Variants in STX19 observed in about 807,000 individuals in gnomAD.
STX19 encodes syntaxin 19.
In STX19, 26 loss-of-function variants were observed where a neutral mutation model predicts 24.3. The observed-to-expected ratio is 1.07, with a 90% CI of 0.78 to 1.48. The LOEUF is 1.48. Ranked by LOEUF, STX19 falls within the 40% of genes most tolerant of loss-of-function variation. The pLI, the probability that STX19 is intolerant of heterozygous loss-of-function variation, is 0.00. For missense variants in STX19, 367 were observed against 331.9 expected (o/e 1.11, Z -0.82); for synonymous variants, 116 against 106.9 (o/e 1.09, Z -0.52).
intron 1 of STX19, among the ~76,000 whole-genome samples, 180 bp from the exon 2 acceptor site, chr3:94,015,462 A>G (rs1227788600): frequency 1.3e-5 from 2 of 152,232 alleles, no homozygotes; most frequent in East Asian, 1.9e-4. Flanking sequence ...TAGGGAAAGA[A>G]ATATAAAATA....
chr3:94,018,076 A>G (rs1240266937), intron 1 of STX19, among the ~76,000 whole-genome samples: 7 of 152,176 alleles, frequency 4.6e-5, no homozygotes, highest in South Asian at 4.1e-4. Context: ...AAAAAATTTT[A>G]AACTGATACA....
chr3:94,024,747 G>C (rs2076521098), intron 1 of STX19, among the ~76,000 whole-genome samples: 1 of 151,860 alleles, frequency 6.6e-6, no homozygotes, highest in Non-Finnish European at 1.5e-5. Context: ...CACTGTGCTT[G>C]GCTGATTTTT....
chr3:94,019,041 C>T (rs1191905880), intron 1 of STX19, among the ~76,000 whole-genome samples: 2 of 152,192 alleles, frequency 1.3e-5, no homozygotes, highest in African/African-American at 2.4e-5. Flanking sequence ...GCTGGGATTA[C>T]AGCTGTGAGC....
In STX19 at chr3:94,014,580, C is replaced by G; in HGVS notation, c.690G>C (p.Arg230Ser). The part of the protein sequence containing the change: ...VNLENQIKDL[R>S]DLFIQISLLV... Reference sequence around the variant, plus strand: ...AAAGAGATATCTGAATGAAAAGATCCCTTAAATCCTTTATTTGGTTCTCCA... The same window carrying G: ...AAAGAGATATCTGAATGAAAAGATCGCTTAAATCCTTTATTTGGTTCTCCA... The change falls in exon 2 of 2, where the codon AGG becomes AGC. Residue 230 changes from arginine to serine, a missense_variant. Arg to Ser is a moderately radical substitution (Grantham distance 110, BLOSUM62 -1). Coordinates refer to ENST00000315099, the MANE Select transcript of STX19 (RefSeq NM_001001850.3). 1.2e-6 allele frequency: 2 copies of G among 1,611,684 alleles called. No homozygotes were observed. Among genetic ancestry groups the G allele is most frequent in the Non-Finnish European group, 1.7e-6 (2 of 1,179,470 alleles).
Position 94,014,418 on chromosome 3 carries a change from A to C in STX19, c.852T>G (p.Cys284Trp). Reference protein sequence around the residue: ...YKKRNPCRVLCCWCCPCCSSK With the variant: ...YKKRNPCRVLWCWCCPCCSSK ...AGCTACAGCATGGACAGCACCAACAACACAGTACTCTGCAAGGATTTCTTT... is the reference window on the plus strand; with the variant it reads ...AGCTACAGCATGGACAGCACCAACACCACAGTACTCTGCAAGGATTTCTTT... The change falls in exon 2 of 2, where the codon TGT (cysteine) becomes TGG (tryptophan). Residue 284 changes from cysteine to tryptophan, a missense_variant. Transcript: ENST00000315099. 1 of 1,574,422 alleles carries C rather than the reference A, an allele frequency of 6.4e-7. No individual in the cohort carries two copies. Among genetic ancestry groups the C allele is most frequent in the East Asian group, 2.2e-5 (1 of 44,732 alleles).
At chr3:94,025,605 A>G (rs962454982) in intron 1 of STX19, among the ~76,000 whole-genome samples, 1 of 152,160 alleles carries the variant, frequency 6.6e-6, no homozygotes, top group Admixed American at 6.6e-5. Context: ...GCCTAGCTTC[A>G]TTGGGGAGTT....
chr3:94,014,979 C>T lies in STX19; in HGVS notation c.291G>A (p.Glu97=). ...TGATGTATTCTGCCTGAATTTTTAT[C>T]TCCTTTGTAATGGTAGACTCTCTCT... The part of the protein sequence containing the change: ...LLKRESTITK[E]IKIQAEYINR... The change falls in exon 2 of 2, where the codon GAG becomes GAA. Residue 97 remains glutamate (E), a synonymous_variant. Coordinates refer to ENST00000315099, the MANE Select transcript of STX19 (RefSeq NM_001001850.3). The T allele has an allele frequency of 1.2e-6, 2 of 1,613,996 alleles. No homozygotes were observed. The highest frequency in any genetic ancestry group is 1.7e-6 in the Non-Finnish European group (2 of 1,179,940).
At chr3:94,023,606 G>C (rs6777479) in intron 1 of STX19, among the ~76,000 whole-genome samples, 57,184 of 151,752 alleles carry the variant, frequency 0.38, 11,738 homozygotes, top group East Asian at 0.55. Context: ...GAAAAGCAAC[G>C]TCCAAATAAG....
Position 94,014,431 on chromosome 3 carries a change from C to T in STX19, c.839G>A (p.Cys280Tyr), listed in dbSNP as rs2076284040. The T allele has an allele frequency of 1.3e-6, 2 of 1,588,142 alleles. No homozygotes were observed. The highest frequency in any genetic ancestry group is 4.5e-5 in the East Asian group (2 of 44,786). The change falls in exon 2 of 2, where the codon TGC (cysteine) becomes TAC (tyrosine). Residue 280 changes from cysteine to tyrosine, a missense_variant. Physicochemically the swap from Cys to Tyr is radical, Grantham distance 194 (BLOSUM62 -2). Coordinates refer to ENST00000315099, the MANE Select transcript of STX19 (RefSeq NM_001001850.3). ...ACAGCACCAACAACACAGTACTCTGCAAGGATTTCTTTTTTTGTATTTTAC... is the reference window on the plus strand; with the variant it reads ...ACAGCACCAACAACACAGTACTCTGTAAGGATTTCTTTTTTTGTATTTTAC... Reference protein sequence around the residue: ...LAVKYKKRNPCRVLCCWCCPC... With the variant: ...LAVKYKKRNPYRVLCCWCCPC...
Position 94,014,421 on chromosome 3 carries a change from C to G in STX19, c.849G>C (p.Leu283=). The change falls in exon 2 of 2, where the codon CTG becomes CTC. Residue 283 remains leucine (L), a synonymous_variant. Transcript: ENST00000315099. The part of the protein sequence containing the change: ...KYKKRNPCRV[L]CCWCCPCCSS... Reference sequence around the variant, plus strand: ...TACAGCATGGACAGCACCAACAACACAGTACTCTGCAAGGATTTCTTTTTT... The same window carrying G: ...TACAGCATGGACAGCACCAACAACAGAGTACTCTGCAAGGATTTCTTTTTT... 1 of 1,575,370 alleles carries G rather than the reference C, an allele frequency of 6.3e-7. No homozygotes were observed.
chr3:94,021,421 C>G (rs1186523964), intron 1 of STX19, among the ~76,000 whole-genome samples: 1 of 152,030 alleles, frequency 6.6e-6, no homozygotes, highest in East Asian at 1.9e-4. Flanking sequence ...TCTTGAACTC[C>G]TGACCTCAAG....
chr3:94,027,136 T>G (rs1188368384), intron 1 of STX19, among the ~76,000 whole-genome samples: 1 of 152,096 alleles, frequency 6.6e-6, no homozygotes, highest in East Asian at 1.9e-4. Context: ...TCAAGAAATA[T>G]GACCAGTTTT....
At chr3:94,015,421 C>A (rs1170891684) in intron 1 of STX19, 139 bp from the exon 2 acceptor site, 4 of 539,302 alleles carry the variant, frequency 7.4e-6, no homozygotes, top group South Asian at 4.6e-5. Flanking sequence ...TTAGAAAAAA[C>A]CAATGAGTTT....
intron 1 of STX19, among the ~76,000 whole-genome samples, chr3:94,020,397 AT>A (rs1315125282): frequency 6.6e-6 from 1 of 152,188 alleles, no homozygotes; most frequent in African/African-American, 2.4e-5. Context: ...TAGAGTTGAG[AT>A]TCAGATTCTG....
In STX19 at chr3:94,015,073, T is replaced by C. The variant is rs1420058505; in HGVS notation, c.197A>G (p.Asp66Gly). 9.3e-6 allele frequency: 15 copies of C among 1,613,998 alleles called. No homozygotes were observed. The highest frequency in any genetic ancestry group is 1.2e-5 in the Non-Finnish European group (14 of 1,179,962). ...TTGCTGCCCAAATTTTTGAACATTA[T>C]CTGCCAAATTGTTAATACTTTCCTG... ...KLQESINNLA[D>G]NVQKFGQQQK... The change falls in exon 2 of 2, where the codon GAT (aspartate) becomes GGT (glycine). Residue 66 changes from aspartate (D) to glycine (G), a missense_variant. Physicochemically the swap from Asp to Gly is moderately conservative, Grantham distance 94. Coordinates refer to ENST00000315099, the MANE Select transcript of STX19 (RefSeq NM_001001850.3).
chr3:94,023,605 C>T (rs1287837858), intron 1 of STX19, among the ~76,000 whole-genome samples: 2 of 152,002 alleles, frequency 1.3e-5, no homozygotes, highest in Non-Finnish European at 2.9e-5. Flanking sequence ...AGAAAAGCAA[C>T]GTCCAAATAA....
At chr3:94,027,408 T>C (rs925999538) in intron 1 of STX19, among the ~76,000 whole-genome samples, 2 of 152,124 alleles carry the variant, frequency 1.3e-5, no homozygotes, top group African/African-American at 2.4e-5. Flanking sequence ...AAATAACTTA[T>C]TGAATTAACT....
chr3:94,021,319 C>T (rs1356484845), intron 1 of STX19, among the ~76,000 whole-genome samples: 4 of 151,752 alleles, frequency 2.6e-5, no homozygotes, highest in African/African-American at 7.3e-5. Flanking sequence ...GTCAGCCTCC[C>T]GAGTTCCTGA....
intron 1 of STX19, among the ~76,000 whole-genome samples, chr3:94,021,407 C>T (rs1227856885): frequency 6.6e-6 from 1 of 151,960 alleles, no homozygotes; most frequent in Non-Finnish European, 1.5e-5. Flanking sequence ...GTTGGCCAGG[C>T]TCATCTTGAA....
Sources: gnomAD v4.1 joint callset for allele counts (sites outside exome capture counted in the v4.1 genomes callset) on GRCh38, gnomAD v4.1.1 for gene constraint, MANE v1.5 for transcripts, NCBI Gene and HGNC (gene_info 2026-07-23, HGNC 2026-07-21) for gene names.